SPIDR: variants seen among roughly 807,000 people sequenced by gnomAD.
SPIDR encodes the protein scaffold protein involved in DNA repair.
Under a neutral mutation model 104.6 loss-of-function variants are expected in SPIDR, and 93 were observed. The ratio of observed to expected loss-of-function variants is 0.89; its 90% CI spans 0.75 to 1.06. The LOEUF is 1.06. Ranked by LOEUF, SPIDR falls within the 50% of genes least tolerant of loss-of-function variation. The pLI is 0.00. For missense variants in SPIDR, 1,154 were observed against 1,111.2 expected (o/e 1.04, Z -0.55); for synonymous variants, 431 against 416.9 (o/e 1.03, Z -0.41).
chr8:47,658,076 A>G (rs567314709), intron 10 of SPIDR, among the ~76,000 whole-genome samples: 1 of 151,604 alleles, frequency 6.6e-6, no homozygotes, highest in Non-Finnish European at 1.5e-5. Context: ...AAAAAAGGCA[A>G]AAGAGGTATC....
chr8:47,716,662 A>G (rs778127297), intron 16 of SPIDR, among the ~76,000 whole-genome samples: 7 of 152,136 alleles, frequency 4.6e-5, no homozygotes, highest in Non-Finnish European at 8.8e-5. Context: ...GGAGTCAGGA[A>G]GGGAGGGAGG....
Position 47,298,637 on chromosome 8 carries a change from G to T in SPIDR, c.525+4607G>T, listed in dbSNP as rs1261999310. 2.6e-5 allele frequency among the ~76,000 whole-genome samples: 4 copies of T among 152,164 alleles called. No individual in the cohort carries two copies. In the South Asian group the frequency reaches 8.3e-4, roughly 31 times the overall value. ...TCTTGAATTAATTTTTGTATAAGGT[G>T]TAAGGAAGGGATCTGGTTTCAGCTT... On this transcript the variant is annotated intron_variant, in intron 5 of 19. Coordinates refer to ENST00000297423, the MANE Select transcript of SPIDR (RefSeq NM_001080394.4).
intron 8 of SPIDR, among the ~76,000 whole-genome samples, chr8:47,556,990 T>C (rs1010694534): frequency 6.6e-6 from 1 of 152,186 alleles, no homozygotes; most frequent in Admixed American, 6.5e-5. Context: ...CCCTTAAGTA[T>C]GAACAGGTTG....
At chr8:47,537,572 G>C (rs1381357461) in intron 8 of SPIDR, among the ~76,000 whole-genome samples, 1 of 152,178 alleles carries the variant, frequency 6.6e-6, no homozygotes, top group African/African-American at 2.4e-5. Flanking sequence ...ATGAATAGGT[G>C]GTGGACAGGG....
intron 7 of SPIDR, among the ~76,000 whole-genome samples, chr8:47,432,832 T>G (rs1266058251): frequency 6.6e-6 from 1 of 152,152 alleles, no homozygotes; most frequent in Non-Finnish European, 1.5e-5. Context: ...TTGGATTTAA[T>G]CCAGTCAGGG....
rs551437315 is a variant in SPIDR at position 47,320,109 on chromosome 8, G to T, written c.525+26079G>T. Among the ~76,000 whole-genome samples, 170 of 152,258 alleles carry T rather than the reference G, an allele frequency of 1.1e-3. 1 individual carries two copies. Among genetic ancestry groups the T allele is most frequent in the African/African-American group, 4.0e-3 (166 of 41,536 alleles). ...AAATAACTAAGATCAGAGCAGAACT[G>T]AAGGAAATAGAGACATAAAAAACCC... On this transcript the variant is annotated intron_variant, in intron 5 of 19. Coordinates refer to ENST00000297423, the MANE Select transcript of SPIDR (RefSeq NM_001080394.4).
At chr8:47,375,532 G>A (rs2058566023) in intron 5 of SPIDR, among the ~76,000 whole-genome samples, 1 of 152,112 alleles carries the variant, frequency 6.6e-6, no homozygotes, top group Admixed American at 6.5e-5. Flanking sequence ...GAGCCACTGC[G>A]CCGGCTGTTA....
intron 14 of SPIDR, among the ~76,000 whole-genome samples, chr8:47,705,822 T>G (rs1292133356): frequency 1.3e-5 from 2 of 151,938 alleles, no homozygotes; most frequent in African/African-American, 4.8e-5. Flanking sequence ...GAGGATCCCT[T>G]GAGCCCAGGA....
chr8:47,727,854 C>T (rs2084516078), intron 17 of SPIDR, among the ~76,000 whole-genome samples: 1 of 152,236 alleles, frequency 6.6e-6, no homozygotes, highest in South Asian at 2.1e-4. Context: ...CATGGTGGCT[C>T]ACGCCTGTAA....
intron 10 of SPIDR, chr8:47,673,381 C>G (rs1195988908): frequency 2.2e-6 from 1 of 456,576 alleles, no homozygotes; most frequent in Non-Finnish European, 4.4e-6. Flanking sequence ...TTCTCAGTAT[C>G]GAGCATCCAC....
chr8:47,420,819 A>G (rs765908759), intron 7 of SPIDR, among the ~76,000 whole-genome samples: 31 of 152,180 alleles, frequency 2.0e-4, no homozygotes, highest in Non-Finnish European at 3.8e-4. Flanking sequence ...GGTGGTGACA[A>G]AATCTCCCAA....
intron 5 of SPIDR, among the ~76,000 whole-genome samples, chr8:47,353,817 C>T (rs1031894926): frequency 1.3e-5 from 2 of 151,808 alleles, no homozygotes; most frequent in Admixed American, 1.3e-4. Context: ...TTGCTGCCAG[C>T]CCGGGTCAAG....
intron 4 of SPIDR, among the ~76,000 whole-genome samples, chr8:47,291,505 G>T (rs1317496133): frequency 6.6e-6 from 1 of 152,148 alleles, no homozygotes; most frequent in Non-Finnish European, 1.5e-5. Context: ...TTAGGCATTT[G>T]TCCCAGAGAA....
intron 5 of SPIDR, among the ~76,000 whole-genome samples, chr8:47,328,383 CA>C (rs2048060363): frequency 6.6e-6 from 1 of 151,278 alleles, no homozygotes; most frequent in African/African-American, 2.4e-5. Flanking sequence ...CTCGACCTCT[CA>C]AATAGCTAAG....
chr8:47,556,874 G>T (rs1482713518), intron 8 of SPIDR, among the ~76,000 whole-genome samples: 1 of 151,772 alleles, frequency 6.6e-6, no homozygotes, highest in East Asian at 1.9e-4. Context: ...AAAATGCTGA[G>T]ATTCCAGGCA....
Position 47,654,214 on chromosome 8 carries a change from T to G in SPIDR, c.1545-19587T>G. On this transcript the variant is annotated intron_variant, in intron 10 of 19. Transcript: ENST00000297423. ...CTGTAGCAGCAACCTGCAGGAGGGGTTAGAAGAAAGGAAAGAACAGGGTTT... is the reference window on the plus strand; with the variant it reads ...CTGTAGCAGCAACCTGCAGGAGGGGGTAGAAGAAAGGAAAGAACAGGGTTT... The G allele has an allele frequency of 7.1e-6, 9 of 1,271,766 alleles. No homozygotes were observed. The South Asian group carries it at 7.4e-5, about 11-fold the overall frequency. The allele number at this position is 1,271,766 out of a possible 1,614,324, so 78.8% of individuals were successfully genotyped here.
chr8:47,405,376 G>A lies in SPIDR; in HGVS notation c.777-2485G>A, dbSNP rs549929122. ...TATATTTAACAAACCTGCACATTGTGCACATGTATTCCAGAACTTAAAGTA... is the reference window on the plus strand; with the variant it reads ...TATATTTAACAAACCTGCACATTGTACACATGTATTCCAGAACTTAAAGTA... On this transcript the variant is annotated intron_variant, in intron 6 of 19. Coordinates refer to ENST00000297423, the MANE Select transcript of SPIDR (RefSeq NM_001080394.4). 2.9e-4 allele frequency among the ~76,000 whole-genome samples: 44 copies of A among 151,926 alleles called. No individual in the cohort carries two copies. In the South Asian group the frequency reaches 9.1e-3, roughly 32 times the overall value.
intron 11 of SPIDR, among the ~76,000 whole-genome samples, chr8:47,684,379 C>CA (rs1417679526): frequency 6.6e-6 from 1 of 152,026 alleles, no homozygotes; most frequent in East Asian, 1.9e-4. Flanking sequence ...AAAACAACAA[C>CA]AACAAAAACT....
At chr8:47,326,344 C>T (rs988305250) in intron 5 of SPIDR, among the ~76,000 whole-genome samples, 4 of 152,264 alleles carry the variant, frequency 2.6e-5, no homozygotes, top group African/African-American at 9.6e-5. Flanking sequence ...AAATGCAACT[C>T]TTTTCTTTAA....
Sources: gnomAD v4.1 joint callset for allele counts (sites outside exome capture counted in the v4.1 genomes callset) on GRCh38, gnomAD v4.1.1 for gene constraint, MANE v1.5 for transcripts, NCBI Gene and HGNC (gene_info 2026-07-23, HGNC 2026-07-21) for gene names.